SMURF1: variants seen among roughly 807,000 people sequenced by gnomAD.
SMURF1 encodes the protein E3 ubiquitin-protein ligase SMURF1.
Under a neutral mutation model 98.0 loss-of-function variants are expected in SMURF1, and 44 were observed. That is an observed-to-expected ratio of 0.45 (90% CI 0.35 to 0.58). The LOEUF (loss-of-function observed/expected upper bound fraction) is 0.58. Among genes scored for constraint, SMURF1 ranks in the 20% least tolerant of loss-of-function variants. SMURF1 has a pLI of 0.00. For synonymous variants in SMURF1, 396 were observed against 374.9 expected (o/e 1.06, Z -0.65); for missense variants, 687 against 938.4 (o/e 0.73, Z 3.50).
Position 99,030,562 on chromosome 7 carries a change from C to G in SMURF1, c.*22G>C, listed in dbSNP as rs1794836582. ...TTTGGTCTGGTGGCCATGAGCTAGA[C>G]TCTGTTGCCTTTGGTTGCTTTTCAC... is the stretch of plus-strand genomic sequence containing the variant. On this transcript the variant is annotated 3_prime_UTR_variant, in exon 18 of 18. Coordinates refer to ENST00000361368, the MANE Select transcript of SMURF1 (RefSeq NM_181349.3). 1 of 1,609,254 alleles carries G rather than the reference C, an allele frequency of 6.2e-7. No homozygotes were observed. The highest frequency in any genetic ancestry group is 1.3e-5 in the African/African-American group (1 of 74,826).
intron 1 of SMURF1, among the ~76,000 whole-genome samples, chr7:99,090,800 C>T (rs989439128): frequency 2.6e-5 from 4 of 152,124 alleles, no homozygotes; most frequent in Non-Finnish European, 5.9e-5. Context: ...CGGTAACTTT[C>T]CTATATAACA....
At chr7:99,032,250 A>G (rs918085541) in intron 17 of SMURF1, among the ~76,000 whole-genome samples, 2 of 152,250 alleles carry the variant, frequency 1.3e-5, no homozygotes, top group African/African-American at 4.8e-5. Context: ...GTTTCATAAG[A>G]GACTCTGACA....
At chr7:99,123,847 A>T (rs1232273013) in intron 1 of SMURF1, among the ~76,000 whole-genome samples, 1 of 152,238 alleles carries the variant, frequency 6.6e-6, no homozygotes, top group Non-Finnish European at 1.5e-5. Context: ...AAGCAGTTCA[A>T]CTTTAGTCCA....
At chr7:99,049,965 C>T in intron 8 of SMURF1, 2 of 343,050 alleles carry the variant, frequency 5.8e-6, no homozygotes, top group Non-Finnish European at 1.0e-5. Context: ...GTAATCCCAG[C>T]ACTCTGGGAG....
chr7:99,034,672 T>C (rs1180243938), intron 16 of SMURF1, among the ~76,000 whole-genome samples: 2 of 152,100 alleles, frequency 1.3e-5, no homozygotes, highest in Admixed American at 1.3e-4. Context: ...GCAGCTGTCA[T>C]GGTCAGGCAG....
At chr7:99,117,208 T>A (rs1797477724) in intron 1 of SMURF1, among the ~76,000 whole-genome samples, 1 of 152,066 alleles carries the variant, frequency 6.6e-6, no homozygotes, top group Non-Finnish European at 1.5e-5. Flanking sequence ...AAAGATTAAT[T>A]CAGAATAGAA....
At chr7:99,131,795 T>C (rs1797877703) in intron 1 of SMURF1, among the ~76,000 whole-genome samples, 1 of 151,716 alleles carries the variant, frequency 6.6e-6, no homozygotes, top group South Asian at 2.1e-4. Flanking sequence ...AGAGATAGGA[T>C]GAAGAAAGAA....
intron 6 of SMURF1, among the ~76,000 whole-genome samples, chr7:99,053,089 A>G (rs1421212583): frequency 6.6e-6 from 1 of 151,802 alleles, no homozygotes; most frequent in Non-Finnish European, 1.5e-5. Flanking sequence ...CAAATACTCC[A>G]TTTTCCTTGT....
intron 1 of SMURF1, among the ~76,000 whole-genome samples, chr7:99,136,669 G>C (rs1204519221): frequency 6.6e-6 from 1 of 152,230 alleles, no homozygotes; most frequent in Non-Finnish European, 1.5e-5. Context: ...AGATGATGCT[G>C]GCTAGGTGCA....
rs566038432 is a variant in SMURF1 at position 99,047,950 on chromosome 7, C to T, written c.954-68G>A. On this transcript the variant is annotated intron_variant, in intron 9 of 17. Transcript: ENST00000361368. ...CAGGGGAGCTGCAAGCACCCACGTA[C>T]GCGACAGGGTCAGAGGAGAGAGCTA... 3.4e-5 allele frequency: 49 copies of T among 1,440,162 alleles called. No homozygotes were observed. In the Admixed American group the frequency reaches 5.5e-4, roughly 16 times the overall value. 89.2% of individuals were successfully genotyped at this position (1,440,162 alleles called of 1,614,324 possible). A position where few individuals can be genotyped will look rare whatever the true frequency, so the allele number is the denominator to read the frequency against.
In SMURF1 at chr7:99,035,607, A is replaced by G. The variant is rs1476905020; in HGVS notation, c.1919T>C (p.Val640Ala). ...CCTCCTTTCTTCATCGAACGTCTCC[A>G]CCGCTTGCCAGAACCACCGCACGAT... ...SNIVRWFWQA[V>A]ETFDEERRAR... Residue 640 changes from valine (V) to alanine (A), a missense_variant, in exon 16 of 18, where the codon GTG becomes GCG. Around this residue, in one of 2 missense-constraint regions of SMURF1, gnomAD observed 272 missense variants for 430.0 expected, o/e 0.63. Transcript: ENST00000361368. 3 of 1,614,142 alleles carry G rather than the reference A, an allele frequency of 1.9e-6. No individual in the cohort carries two copies. Among genetic ancestry groups the G allele is most frequent in the Admixed American group, 1.7e-5 (1 of 60,024 alleles).
chr7:99,110,773 CT>C (rs1450149380), intron 1 of SMURF1, among the ~76,000 whole-genome samples: 1 of 152,146 alleles, frequency 6.6e-6, no homozygotes, highest in Non-Finnish European at 1.5e-5. Flanking sequence ...ATGCATGGGG[CT>C]ACTTAGCACA....
In SMURF1 at chr7:99,144,011, C is replaced by G. The variant is rs1419161667; in HGVS notation, c.-231G>C. 50 of 320,956 alleles carry G rather than the reference C, an allele frequency of 1.6e-4. 1 individual carries two copies. In the South Asian group the frequency reaches 4.7e-3, roughly 30 times the overall value. The allele number at this position is 320,956 out of a possible 1,614,324, so 19.9% of individuals were successfully genotyped here. A position where few individuals can be genotyped will look rare whatever the true frequency, so the allele number is the denominator to read the frequency against. ...CTCGCTGCTTCCAGCCGAGCCCAGT[C>G]CCGAGCCGCCGCCGCCTCCGCCGCC... On this transcript the variant is annotated 5_prime_UTR_variant, in exon 1 of 18. Coordinates refer to ENST00000361368, the MANE Select transcript of SMURF1 (RefSeq NM_181349.3).
At chr7:99,041,694 C>T (rs1795392224) in intron 12 of SMURF1, among the ~76,000 whole-genome samples, 3 of 152,346 alleles carry the variant, frequency 2.0e-5, no homozygotes, top group African/African-American at 7.2e-5. Context: ...CTGACTTCTT[C>T]ATCTCTAAAA....
chr7:99,080,573 A>G (rs1796558126), intron 1 of SMURF1, among the ~76,000 whole-genome samples: 1 of 152,224 alleles, frequency 6.6e-6, no homozygotes, highest in Non-Finnish European at 1.5e-5. Context: ...TGCTGGGATT[A>G]CAGGCGTGAG....
intron 1 of SMURF1, among the ~76,000 whole-genome samples, chr7:99,097,612 C>A (rs1211525625): frequency 1.3e-5 from 2 of 152,206 alleles, no homozygotes; most frequent in Admixed American, 6.5e-5. Context: ...TGATATTGGA[C>A]TACCCAGCCT....
At chr7:99,031,719 T>C (rs1794895409) in intron 17 of SMURF1, among the ~76,000 whole-genome samples, 1 of 152,156 alleles carries the variant, frequency 6.6e-6, no homozygotes, top group Admixed American at 6.5e-5. Context: ...ATTTCACAGG[T>C]GTGGAAAACC....
At chr7:99,132,103 T>TCA (rs1797883270) in intron 1 of SMURF1, among the ~76,000 whole-genome samples, 1 of 152,164 alleles carries the variant, frequency 6.6e-6, no homozygotes, top group Admixed American at 6.5e-5. Flanking sequence ...GCCCCTGGAA[T>TCA]GGCCCAGAAG....
chr7:99,035,428 G>A, intron 16 of SMURF1, 87 bp downstream of exon 16: 2 of 1,484,688 alleles, frequency 1.3e-6, no homozygotes, highest in South Asian at 1.2e-5. Context: ...ACACATCTCA[G>A]AAAAACATCC....
Sources: gnomAD v4.1 joint callset for allele counts (sites outside exome capture counted in the v4.1 genomes callset) on GRCh38, gnomAD v4.1.1 for gene constraint, gnomAD v4.1.1 regional missense constraint, MANE v1.5 for transcripts, NCBI Gene and HGNC (gene_info 2026-07-23, HGNC 2026-07-21) for gene names.